The following MAPKAP1 variants were observed in gnomAD, a reference collection of about 807,000 sequenced individuals.
MAPKAP1 encodes the protein MAPK associated protein 1.
In MAPKAP1, 20 loss-of-function variants were observed where a neutral mutation model predicts 65.7. That is an observed-to-expected ratio of 0.30 (90% CI 0.21 to 0.44). The LOEUF is 0.44. Among genes scored for constraint, MAPKAP1 ranks in the 20% least tolerant of loss-of-function variants. The pLI is 1.00. For synonymous variants in MAPKAP1, 222 were observed against 244.3 expected, an observed-to-expected ratio of 0.91 and a Z score of 0.85; for missense variants, 423 against 648.0, an observed-to-expected ratio of 0.65 and a Z score of 3.77.
At chr9:125,570,957 TA>T (rs1472176413) in intron 5 of MAPKAP1, among the ~76,000 whole-genome samples, 1 of 152,124 alleles carries the variant, frequency 6.6e-6, no homozygotes, top group Non-Finnish European at 1.5e-5. Flanking sequence ...TAAAGGTTTA[TA>T]AGAATCTTAA....
intron 1 of MAPKAP1, among the ~76,000 whole-genome samples, chr9:125,683,058 C>A (rs1437998932): frequency 1.3e-5 from 2 of 151,526 alleles, no homozygotes; most frequent in African/African-American, 4.9e-5. Context: ...CAGGTTCAAG[C>A]GATTCTCCTG....
chr9:125,702,817 A>G (rs1207648175), intron 1 of MAPKAP1, among the ~76,000 whole-genome samples: 2 of 151,704 alleles, frequency 1.3e-5, no homozygotes, highest in Admixed American at 1.3e-4. Context: ...ATGCCACTGC[A>G]CTCCAGCCTG....
intron 4 of MAPKAP1, among the ~76,000 whole-genome samples, chr9:125,615,241 G>C (rs1239668822): frequency 6.6e-6 from 1 of 152,002 alleles, no homozygotes; most frequent in South Asian, 2.1e-4. Flanking sequence ...TGGAGAAAAT[G>C]ATAAAATTTT....
At chr9:125,667,381 G>A (rs865873285) in intron 3 of MAPKAP1, among the ~76,000 whole-genome samples, 6 of 152,134 alleles carry the variant, frequency 3.9e-5, no homozygotes, top group African/African-American at 9.7e-5. Flanking sequence ...GTGCACTGGC[G>A]CGATTTTAGC....
At chr9:125,699,764 G>A (rs1162450026) in intron 1 of MAPKAP1, among the ~76,000 whole-genome samples, 1 of 151,734 alleles carries the variant, frequency 6.6e-6, no homozygotes, top group Non-Finnish European at 1.5e-5. Flanking sequence ...TGGAACTACA[G>A]ATGTGCGCCA....
At chr9:125,519,292 A>G (rs933596361) in intron 7 of MAPKAP1, among the ~76,000 whole-genome samples, 2 of 152,180 alleles carry the variant, frequency 1.3e-5, no homozygotes, top group Middle Eastern at 3.2e-3. Flanking sequence ...AAAGGGGTTG[A>G]GCAGGCAAAG....
intron 4 of MAPKAP1, among the ~76,000 whole-genome samples, chr9:125,593,943 C>T (rs1222323377): frequency 6.6e-6 from 1 of 152,200 alleles, no homozygotes; most frequent in Non-Finnish European, 1.5e-5. Flanking sequence ...TTCTTCTTCA[C>T]TGGCATGTCT....
intron 1 of MAPKAP1, among the ~76,000 whole-genome samples, chr9:125,706,659 A>G (rs561120866): frequency 6.6e-6 from 1 of 152,096 alleles, no homozygotes; most frequent in African/African-American, 2.4e-5. Context: ...TGATTTTCAC[A>G]TTATGAAGAC....
chr9:125,526,446 T>C (rs1158503998), intron 7 of MAPKAP1, among the ~76,000 whole-genome samples: 13 of 152,382 alleles, frequency 8.5e-5, no homozygotes, highest in African/African-American at 3.1e-4. Flanking sequence ...GCTTATGCTT[T>C]AACCTACGGA....
chr9:125,473,531 C>G (rs1349795405), intron 9 of MAPKAP1, among the ~76,000 whole-genome samples: 1 of 152,146 alleles, frequency 6.6e-6, no homozygotes, highest in Non-Finnish European at 1.5e-5. Flanking sequence ...CAAGACAGCT[C>G]AAAATAAACA....
chr9:125,562,377 T>C (rs1389711812), intron 5 of MAPKAP1, among the ~76,000 whole-genome samples: 1 of 152,178 alleles, frequency 6.6e-6, no homozygotes, highest in Non-Finnish European at 1.5e-5. Flanking sequence ...GTCCTGAGCA[T>C]CAGGAACAGA....
At chr9:125,687,659 C>G (rs1192664563) in intron 1 of MAPKAP1, among the ~76,000 whole-genome samples, 1 of 151,626 alleles carries the variant, frequency 6.6e-6, no homozygotes, top group African/African-American at 2.4e-5. Context: ...GGGGCACATG[C>G]CTGTAGTTCT....
intron 9 of MAPKAP1, among the ~76,000 whole-genome samples, chr9:125,476,071 T>C (rs1264310486): frequency 1.3e-5 from 2 of 152,138 alleles, no homozygotes; most frequent in African/African-American, 2.4e-5. Context: ...GGTTACTCCA[T>C]AGGAATTCTC....
At chr9:125,680,299 C>A (rs1306359805) in intron 1 of MAPKAP1, among the ~76,000 whole-genome samples, 2 of 151,548 alleles carry the variant, frequency 1.3e-5, no homozygotes, top group East Asian at 3.8e-4. Context: ...AACCAACAGA[C>A]CCTCTTTTTT....
intron 4 of MAPKAP1, among the ~76,000 whole-genome samples, chr9:125,646,336 C>A (rs1833724808): frequency 6.6e-6 from 1 of 152,016 alleles, no homozygotes; most frequent in Non-Finnish European, 1.5e-5. Flanking sequence ...CAAAACAAAA[C>A]AAAAAACTAA....
At chr9:125,527,739 A>G (rs1031768021) in intron 7 of MAPKAP1, among the ~76,000 whole-genome samples, 2 of 152,148 alleles carry the variant, frequency 1.3e-5, no homozygotes, top group Non-Finnish European at 2.9e-5. Context: ...CGTGACTATC[A>G]ATGTTTAAAA....
chr9:125,525,025 C>T (rs1050890095), intron 7 of MAPKAP1, among the ~76,000 whole-genome samples: 2 of 152,224 alleles, frequency 1.3e-5, no homozygotes, highest in African/African-American at 4.8e-5. Flanking sequence ...CAGACAGATG[C>T]ACACATTCTG....
chr9:125,476,081 C>A (rs1287581190), intron 9 of MAPKAP1, among the ~76,000 whole-genome samples: 1 of 152,152 alleles, frequency 6.6e-6, no homozygotes, highest in East Asian at 1.9e-4. Context: ...TAGGAATTCT[C>A]AAAAGGGTGG....
In MAPKAP1 at chr9:125,657,793, T is replaced by C. The variant is rs1378029369; in HGVS notation, c.356A>G (p.Glu119Gly). The C allele has an allele frequency of 1.2e-6, 2 of 1,612,674 alleles. No homozygotes were observed. Among genetic ancestry groups the C allele is most frequent in the Non-Finnish European group, 1.7e-6 (2 of 1,179,596 alleles). The change falls in exon 4 of 12, where the codon GAG (glutamate) becomes GGG (glycine). Residue 119 changes from glutamate (E) to glycine (G), a missense_variant. This residue lies in a region of MAPKAP1 where 67 missense variants were observed against 69.6 expected (regional missense o/e 0.96). Coordinates refer to ENST00000265960, the MANE Select transcript of MAPKAP1 (RefSeq NM_001006617.3). ...KERNSKQSAQ[E>G]LKSLFEKKSL... is the part of the protein sequence containing the mutation. ...TTTTTTTTCAAACAGTGACTTTAACTCCTGGGCTGTGATACAAGAGGAAGA... is the reference window on the plus strand; with the variant it reads ...TTTTTTTTCAAACAGTGACTTTAACCCCTGGGCTGTGATACAAGAGGAAGA...
Sources: allele counts gnomAD v4.1 joint callset (sites outside exome capture counted in the v4.1 genomes callset), GRCh38; gene constraint gnomAD v4.1.1; regional missense constraint gnomAD v4.1.1; transcripts MANE v1.5; gene names NCBI Gene and HGNC (gene_info 2026-07-23, HGNC 2026-07-21).